Variants in GBF1 observed in about 807,000 individuals in gnomAD.
GBF1 encodes golgi brefeldin A resistant guanine nucleotide exchange factor 1, also known as Golgi-specific brefeldin A-resistance guanine nucleotide exchange factor 1.
A neutral mutation model predicts 210.5 loss-of-function variants in GBF1; 114 were observed. That is an observed-to-expected ratio of 0.54 (90% CI 0.47 to 0.63). The LOEUF (loss-of-function observed/expected upper bound fraction) is 0.63, where lower values mean the gene tolerates loss of function less well. Among genes scored for constraint, GBF1 ranks in the 30% least tolerant of loss-of-function variants. GBF1 has a pLI of 0.00. For missense variants in GBF1, 1,851 were observed against 2,357.7 expected (o/e 0.79, Z 4.45); for synonymous variants, 850 against 889.2 (o/e 0.96, Z 0.78).
intron 3 of GBF1, among the ~76,000 whole-genome samples, chr10:102,313,800 C>A (rs1383428565): frequency 6.6e-6 from 1 of 152,162 alleles, no homozygotes; most frequent in African/African-American, 2.4e-5. Context: ...TAGGCAGAAT[C>A]AGCAGCAAAT....
chr10:102,376,197 C>T, intron 30 of GBF1, 75 bp from the exon 31 acceptor site: 2 of 1,185,244 alleles, frequency 1.7e-6, no homozygotes, highest in Admixed American at 2.0e-5. Context: ...CATCTTTTTT[C>T]TGAGAGCCTG....
chr10:102,329,916 C>T (rs776230941), intron 3 of GBF1, among the ~76,000 whole-genome samples: 1 of 152,016 alleles, frequency 6.6e-6, no homozygotes, highest in Non-Finnish European at 1.5e-5. Context: ...CAAGACCAGC[C>T]TGGGCAACAT....
chr10:102,276,379 A>G (rs1052836484), intron 3 of GBF1, among the ~76,000 whole-genome samples: 3 of 151,420 alleles, frequency 2.0e-5, no homozygotes, highest in Admixed American at 6.6e-5. Flanking sequence ...ACAAAAAATT[A>G]GCTGGGCATG....
chr10:102,310,677 AT>A (rs2078333593), intron 3 of GBF1, among the ~76,000 whole-genome samples: 2 of 152,200 alleles, frequency 1.3e-5, no homozygotes, highest in Non-Finnish European at 1.5e-5. Context: ...CCCAAGCCAC[AT>A]TTGAGCAGGG....
intron 29 of GBF1, among the ~76,000 whole-genome samples, chr10:102,372,195 A>G (rs1478408961): frequency 6.6e-6 from 1 of 150,644 alleles, no homozygotes; most frequent in East Asian, 1.9e-4. Context: ...TGGGCAACAC[A>G]GCGAGACTCC....
chr10:102,234,641 C>CA, the GBF1 span, among the ~76,000 whole-genome samples: 1 of 152,060 alleles, frequency 6.6e-6, no homozygotes, highest in Non-Finnish European at 1.5e-5. Flanking sequence ...CCCCTTACTT[C>CA]ATACCCCTTA....
chr10:102,267,646 CA>C (rs776758677), intron 3 of GBF1, among the ~76,000 whole-genome samples: 4 of 152,178 alleles, frequency 2.6e-5, no homozygotes, highest in African/African-American at 4.8e-5. Flanking sequence ...CATTATTAAT[CA>C]GCATGAGAAG....
rs188870656 is a variant in GBF1, at chr10:102,366,829, G to T, written c.2434-256G>T. ...TCGAACTCCTGATCTCGGGTGATCCGCCCACCTCGGCCTCCCTGAGTGCTG... is the reference window on the plus strand; with the variant it reads ...TCGAACTCCTGATCTCGGGTGATCCTCCCACCTCGGCCTCCCTGAGTGCTG... On this transcript the variant is annotated intron_variant, in intron 19 of 39. Transcript: ENST00000369983. This position sits in a 1 kb window ranked among gnomAD's most constrained non-coding sequence, Gnocchi z 4.0. Among the ~76,000 whole-genome samples, 1 of 152,036 alleles carries T rather than the reference G, an allele frequency of 6.6e-6. No individual in the cohort carries two copies. Among genetic ancestry groups the T allele is most frequent in the South Asian group, 2.1e-4 (1 of 4,808 alleles).
At chr10:102,343,953 A>G in intron 3 of GBF1, 98 bp from the exon 4 acceptor site, 2 of 892,784 alleles carry the variant, frequency 2.2e-6, no homozygotes, top group South Asian at 1.5e-5. Flanking sequence ...TGACCCAACA[A>G]CAAAGACCTC....
intron 3 of GBF1, among the ~76,000 whole-genome samples, chr10:102,269,514 C>G (rs1221150932): frequency 6.6e-6 from 1 of 152,086 alleles, no homozygotes; most frequent in Non-Finnish European, 1.5e-5. Context: ...ATCAAAAGCA[C>G]TTCAGTGTTA....
chr10:102,351,078 C>G (rs1415299371), intron 4 of GBF1, among the ~76,000 whole-genome samples, 178 bp from the exon 5 acceptor site: 1 of 145,606 alleles, frequency 6.9e-6, no homozygotes, highest in Non-Finnish European at 1.5e-5. Flanking sequence ...CAAAGTGAGA[C>G]TCTGTCTCAA....
chr10:102,260,397 C>T (rs2073034942), intron 3 of GBF1, among the ~76,000 whole-genome samples: 1 of 151,358 alleles, frequency 6.6e-6, no homozygotes, highest in African/African-American at 2.4e-5. Flanking sequence ...TGAGCTCAAG[C>T]AATCCTCCTG....
At chr10:102,354,620 G>A (rs561820648) in intron 8 of GBF1, among the ~76,000 whole-genome samples, 5 of 152,314 alleles carry the variant, frequency 3.3e-5, no homozygotes, top group Non-Finnish European at 7.3e-5. Context: ...CGTGATTGTA[G>A]CTTTGCAGTG....
rs146995060 is a variant in GBF1, at chr10:102,367,257, G to C, written c.2559+47G>C. 8.8e-6 allele frequency: 14 copies of C among 1,593,386 alleles called. No individual in the cohort carries two copies. In the African/African-American group the frequency reaches 1.6e-4, roughly 18 times the overall value. ...GGCAAAGAAGACCCAGCACAGCTTG[G>C]GAGGTAGCAGGAAGGACATAGGATT... On this transcript the variant is annotated intron_variant, in intron 20 of 39. Coordinates refer to ENST00000369983, the MANE Select transcript of GBF1 (RefSeq NM_001377137.1).
At chr10:102,310,457 T>G (rs1260287719) in intron 3 of GBF1, among the ~76,000 whole-genome samples, 1 of 152,026 alleles carries the variant, frequency 6.6e-6, no homozygotes, top group Non-Finnish European at 1.5e-5. Context: ...TTGTGTTAGA[T>G]CTCTGTTAGG....
chr10:102,381,187 C>T lies in GBF1; in HGVS notation c.5234C>T (p.Ala1745Val), dbSNP rs756732206. 1 of 1,613,960 alleles carries T rather than the reference C, an allele frequency of 6.2e-7. No individual in the cohort carries two copies. ...KPLASAHLTS[A>V]AGDTRTPGHP... is the part of the protein sequence containing the mutation. ...CTCGCCTCAGCCCACCTGACTTCCGCTGCTGGCGACACTAGGACACCTGGC... is the reference window on the plus strand; with the variant it reads ...CTCGCCTCAGCCCACCTGACTTCCGTTGCTGGCGACACTAGGACACCTGGC... Residue 1745 changes from alanine (A) to valine (V), a missense_variant, in exon 39 of 40, where the codon GCT (alanine) becomes GTT (valine). By Grantham distance (64) the Ala-to-Val change is moderately conservative (BLOSUM62 0). This residue lies in a region of GBF1 where 967 missense variants were observed against 1,247.7 expected (regional missense o/e 0.78). Transcript: ENST00000369983.
Position 102,357,095 on chromosome 10 carries a change from C to T in GBF1, c.640-944C>T, listed in dbSNP as rs180931285. ...GAGCACAGCAGCAGCGTGACATGAC[C>T]TTCTATCCTGAACTCCACAAAGAAA... On this transcript the variant is annotated intron_variant, in intron 8 of 39. Coordinates refer to ENST00000369983, the MANE Select transcript of GBF1 (RefSeq NM_001377137.1). Among the ~76,000 whole-genome samples, 3 of 152,246 alleles carry T rather than the reference C, an allele frequency of 2.0e-5. No homozygotes were observed. In the East Asian group the frequency reaches 5.8e-4, roughly 29 times the overall value.
At chr10:102,242,872 T>A (rs1280858446), upstream of GBF1, among the ~76,000 whole-genome samples, 1 of 144,948 alleles carries the variant, frequency 6.9e-6, no homozygotes, top group Non-Finnish European at 1.5e-5. Context: ...GAGCTTGCAG[T>A]GAGCTGAGAT....
chr10:102,253,375 G>C (rs2071862779), intron 1 of GBF1, among the ~76,000 whole-genome samples: 1 of 152,074 alleles, frequency 6.6e-6, no homozygotes, highest in African/African-American at 2.4e-5. Context: ...AGCTTCTCTG[G>C]GGTATAGTCC....
Sources: gnomAD v4.1 joint callset for allele counts (sites outside exome capture counted in the v4.1 genomes callset) on GRCh38, gnomAD v4.1.1 for gene constraint, gnomAD v4.1.1 regional missense constraint, Gnocchi (gnomAD v3.1) non-coding constraint, MANE v1.5 for transcripts, NCBI Gene and HGNC (gene_info 2026-07-23, HGNC 2026-07-21) for gene names.